Variants in PIK3C2G observed in about 807,000 individuals in gnomAD.
The protein encoded by PIK3C2G is phosphatidylinositol-4-phosphate 3-kinase catalytic subunit type 2 gamma, also known as phosphatidylinositol 3-kinase C2 domain-containing subunit gamma.
In PIK3C2G, 168 loss-of-function variants were observed where a neutral mutation model predicts 181.1. The observed-to-expected ratio is 0.93, with a 90% confidence interval of 0.82 to 1.05. PIK3C2G has a LOEUF of 1.05. Among genes scored for constraint, PIK3C2G ranks in the 50% least tolerant of loss-of-function variants. The pLI is 0.00. For missense variants in PIK3C2G, 1,869 were observed against 1,732.8 expected (o/e 1.08, Z -1.40); for synonymous variants, 573 against 592.2 (o/e 0.97, Z 0.47).
chr12:18,597,933 A>G (rs1947469412), intron 30 of PIK3C2G, among the ~76,000 whole-genome samples: 1 of 152,166 alleles, frequency 6.6e-6, no homozygotes, highest in Non-Finnish European at 1.5e-5. Context: ...TAGGAATCCA[A>G]CTTACAAGGG....
intron 18 of PIK3C2G, among the ~76,000 whole-genome samples, chr12:18,468,304 C>T (rs1264651564): frequency 6.6e-6 from 1 of 152,012 alleles, no homozygotes; most frequent in Non-Finnish European, 1.5e-5. Flanking sequence ...GAATCCATTC[C>T]AATGCAGAAT....
the PIK3C2G span, among the ~76,000 whole-genome samples, chr12:18,674,112 A>C: frequency 6.6e-6 from 1 of 152,226 alleles, no homozygotes; most frequent in African/African-American, 2.4e-5. Flanking sequence ...ATAAAATCGA[A>C]AGACAAAGAA....
At chr12:18,425,013 A>G in intron 18 of PIK3C2G, 1 of 174,876 alleles carries the variant, frequency 5.7e-6, no homozygotes, top group Non-Finnish European at 1.2e-5. Context: ...GATGAGGGGG[A>G]GGAGAAAAAA....
rs183921210 is a variant in PIK3C2G at position 18,269,077 on chromosome 12, A to T, written c.-79+7500A>T. ...AGCCGTGCACCAACACACCTGGCAA[A>T]TTTTTTTATTTTTAGTAGAGATGGG... On this transcript the variant is annotated intron_variant, in intron 1 of 32. Coordinates refer to ENST00000538779, the MANE Select transcript of PIK3C2G (RefSeq NM_001288772.2). Among the ~76,000 whole-genome samples, 374 of 151,854 alleles carry T rather than the reference A, an allele frequency of 2.5e-3. 2 individuals are homozygous for T. Among genetic ancestry groups the T allele is most frequent in the South Asian group, 4.6e-3 (22 of 4,796 alleles).
chr12:18,498,381 C>T (rs1266041475), intron 22 of PIK3C2G, among the ~76,000 whole-genome samples: 1 of 152,128 alleles, frequency 6.6e-6, no homozygotes, highest in Non-Finnish European at 1.5e-5. Flanking sequence ...GGTAGAATTG[C>T]ACTTAATTAC....
chr12:18,502,584 A>G (rs1265169101), intron 22 of PIK3C2G, among the ~76,000 whole-genome samples: 1 of 152,228 alleles, frequency 6.6e-6, no homozygotes, highest in African/African-American at 2.4e-5. Flanking sequence ...TATGAAAATC[A>G]GAAGGTTTGC....
At chr12:18,252,987 C>A (rs1948109513) in intron 1 of PIK3C2G, among the ~76,000 whole-genome samples, 1 of 152,084 alleles carries the variant, frequency 6.6e-6, no homozygotes, top group South Asian at 2.1e-4. Context: ...TATGGGGAAA[C>A]TTTCCCTGAG....
At chr12:18,449,603 G>T (rs144324566) in intron 18 of PIK3C2G, among the ~76,000 whole-genome samples, 1 of 152,024 alleles carries the variant, frequency 6.6e-6, no homozygotes, top group African/African-American at 2.4e-5. Flanking sequence ...TTCCAGCTTC[G>T]TCCATGTTCC....
the PIK3C2G span, among the ~76,000 whole-genome samples, chr12:18,704,923 A>G: frequency 6.6e-6 from 1 of 152,126 alleles, no homozygotes; most frequent in Non-Finnish European, 1.5e-5. Flanking sequence ...TTGTGGACCC[A>G]TGGGGTAGGA....
intron 24 of PIK3C2G, among the ~76,000 whole-genome samples, chr12:18,529,934 C>T (rs968778742): frequency 2.0e-5 from 3 of 152,150 alleles, no homozygotes; most frequent in African/African-American, 4.8e-5. Context: ...AGTGCCACAA[C>T]CCACCCATCT....
intron 18 of PIK3C2G, among the ~76,000 whole-genome samples, chr12:18,480,607 TGTAA>T (rs1194767312): frequency 1.3e-5 from 2 of 152,294 alleles, no homozygotes; most frequent in Middle Eastern, 3.4e-3. Flanking sequence ...AGAAGCTTTC[TGTAA>T]GTGTGTGTGC....
At chr12:18,608,710 T>TA (rs201273350) in intron 30 of PIK3C2G, among the ~76,000 whole-genome samples, 1 of 151,790 alleles carries the variant, frequency 6.6e-6, no homozygotes, top group African/African-American at 2.4e-5. Flanking sequence ...AGTATAATAA[T>TA]AAAAAAAGTA....
the PIK3C2G span, among the ~76,000 whole-genome samples, chr12:18,671,935 A>T: frequency 6.6e-6 from 1 of 152,134 alleles, no homozygotes; most frequent in African/African-American, 2.4e-5. Flanking sequence ...TTGACTTGGT[A>T]GAGTGGGCAT....
intron 5 of PIK3C2G, among the ~76,000 whole-genome samples, chr12:18,311,291 C>G (rs1950624714): frequency 6.6e-6 from 1 of 151,716 alleles, no homozygotes; most frequent in Non-Finnish European, 1.5e-5. Flanking sequence ...GTAAAATTGG[C>G]AGATGTAGCA....
At chr12:18,566,893 G>A in intron 28 of PIK3C2G, 56 bp from the exon 29 acceptor site, 1 of 865,018 alleles carries the variant, frequency 1.2e-6, no homozygotes, top group African/African-American at 1.7e-5. Context: ...ACAATCTTAA[G>A]ATGAAAAGGC....
chr12:18,484,191 G>A (rs559916766), intron 18 of PIK3C2G, among the ~76,000 whole-genome samples: 1 of 152,268 alleles, frequency 6.6e-6, no homozygotes, highest in Admixed American at 6.5e-5. Context: ...ACATGACAAA[G>A]AGTCTAGAGG....
At chr12:18,504,265 T>C (rs1479950256) in intron 23 of PIK3C2G, among the ~76,000 whole-genome samples, 1 of 152,168 alleles carries the variant, frequency 6.6e-6, no homozygotes, top group Non-Finnish European at 1.5e-5. Context: ...AAATACAAGC[T>C]TTACAGGCCA....
the PIK3C2G span, among the ~76,000 whole-genome samples, chr12:18,656,439 G>A: frequency 6.6e-6 from 1 of 152,076 alleles, no homozygotes; most frequent in East Asian, 1.9e-4. Flanking sequence ...GGTGGCGGGC[G>A]CCTGTAATCC....
upstream of PIK3C2G, among the ~76,000 whole-genome samples, chr12:18,247,222 T>TAATA (rs956219614): frequency 6.6e-6 from 1 of 152,204 alleles, no homozygotes; most frequent in Non-Finnish European, 1.5e-5. Context: ...TATGGAATTA[T>TAATA]AATACTTAAA....
Sources: gnomAD v4.1 joint callset for allele counts (sites outside exome capture counted in the v4.1 genomes callset) on GRCh38, gnomAD v4.1.1 for gene constraint, MANE v1.5 for transcripts, NCBI Gene and HGNC (gene_info 2026-07-23, HGNC 2026-07-21) for gene names.